The following CDYL variants were observed in gnomAD, a reference collection of about 807,000 sequenced individuals.
CDYL encodes chromodomain Y like, also known as chromodomain Y-like protein.
Under a neutral mutation model 47.3 loss-of-function variants are expected in CDYL, and 8 were observed. The observed-to-expected ratio is 0.17, with a 90% CI of 0.10 to 0.31. CDYL has a LOEUF of 0.31. CDYL is among the 10% of genes least tolerant of loss of function. The pLI, the probability that CDYL is intolerant of heterozygous loss-of-function variation, is 1.00. For missense variants in CDYL, 471 were observed against 701.4 expected (o/e 0.67, Z 3.71); for synonymous variants, 266 against 265.0 (o/e 1.00, Z -0.04).
At chr6:4,876,038 C>G (rs1357846042) in intron 1 of CDYL, among the ~76,000 whole-genome samples, 1 of 152,136 alleles carries the variant, frequency 6.6e-6, no homozygotes, top group East Asian at 1.9e-4. Flanking sequence ...ATGCATATAC[C>G]TGGGTAACCT....
intron 1 of CDYL, among the ~76,000 whole-genome samples, chr6:4,823,715 A>G (rs1321375898): frequency 6.6e-6 from 1 of 152,142 alleles, no homozygotes; most frequent in Non-Finnish European, 1.5e-5. Context: ...CCAAACAGAA[A>G]CTTTGTAACC....
intron 1 of CDYL, among the ~76,000 whole-genome samples, chr6:4,881,663 T>C (rs576526426): frequency 2.0e-5 from 3 of 152,364 alleles, no homozygotes; most frequent in African/African-American, 7.2e-5. Flanking sequence ...AATAGTGTTT[T>C]TGGGATTTTG....
At chr6:4,842,157 T>A (rs1476253925) in intron 1 of CDYL, among the ~76,000 whole-genome samples, 1 of 143,818 alleles carries the variant, frequency 7.0e-6, no homozygotes, top group Non-Finnish European at 1.5e-5. Context: ...TTATATATTA[T>A]AAATATATTA....
intron 2 of CDYL, among the ~76,000 whole-genome samples, chr6:4,915,105 C>G (rs35021955): frequency 9.8e-4 from 149 of 152,358 alleles, no homozygotes; most frequent in Non-Finnish European, 1.7e-3. Flanking sequence ...CCACAGTCTA[C>G]TTTAATGACA....
intron 2 of CDYL, among the ~76,000 whole-genome samples, chr6:4,916,998 A>G (rs545350515): frequency 3.3e-5 from 5 of 152,314 alleles, no homozygotes; most frequent in African/African-American, 1.2e-4. Context: ...GGTTCCAAGT[A>G]AGATTTTTCT....
chr6:4,945,703 CA>C lies in CDYL; in HGVS notation c.1332+1948del, dbSNP rs1271353480. 3.3e-5 allele frequency among the ~76,000 whole-genome samples: 5 copies of C among 152,368 alleles called. No individual in the cohort carries two copies. In the South Asian group the frequency reaches 6.2e-4, roughly 19 times the overall value. ...CTACAAATCAGAAAACGCTGCTGCC[CA>C]CCATCATGGAGCCACCTCCAAACTG... is the stretch of plus-strand genomic sequence containing the variant. On this transcript the variant is annotated intron_variant, in intron 5 of 6. Transcript: ENST00000397588.
At chr6:4,824,386 A>C (rs769408421) in intron 1 of CDYL, among the ~76,000 whole-genome samples, 13 of 151,946 alleles carry the variant, frequency 8.6e-5, no homozygotes, top group Non-Finnish European at 1.8e-4. Flanking sequence ...TCGGCTCGGC[A>C]GCACTTATTT....
chr6:4,718,839 A>G (rs1757318117), intron 2 of CDYL, among the ~76,000 whole-genome samples: 1 of 151,446 alleles, frequency 6.6e-6, no homozygotes, highest in Non-Finnish European at 1.5e-5. Context: ...ATCATTTTAG[A>G]TTCCTGCAGG....
At chr6:4,848,213 A>G (rs1336345007) in intron 1 of CDYL, among the ~76,000 whole-genome samples, 5 of 152,174 alleles carry the variant, frequency 3.3e-5, no homozygotes, top group South Asian at 2.1e-4. Flanking sequence ...TGTATAGGCA[A>G]GCTCTCGAAC....
At chr6:4,742,834 A>T (rs137859539) in intron 3 of CDYL, among the ~76,000 whole-genome samples, 85 of 152,348 alleles carry the variant, frequency 5.6e-4, no homozygotes, top group African/African-American at 1.2e-3. Flanking sequence ...AGATAGGATC[A>T]TCTTGAAGCT....
At chr6:4,780,857 A>G (rs779845208) in intron 1 of CDYL, among the ~76,000 whole-genome samples, 2 of 152,186 alleles carry the variant, frequency 1.3e-5, no homozygotes, top group Non-Finnish European at 2.9e-5. Flanking sequence ...GGTCAAGAGG[A>G]CCTTAATTTA....
chr6:4,849,994 G>T (rs553845025), intron 1 of CDYL, among the ~76,000 whole-genome samples: 4 of 152,284 alleles, frequency 2.6e-5, no homozygotes, highest in African/African-American at 7.2e-5. Context: ...GACTAGCTGG[G>T]TGACTTCATT....
At chr6:4,937,825 G>A in intron 4 of CDYL, 88 bp downstream of exon 4, 1 of 1,010,240 alleles carries the variant, frequency 9.9e-7, no homozygotes, top group Non-Finnish European at 1.5e-6. Context: ...ACCAAGCCTT[G>A]AGAATAAGAT....
intron 2 of CDYL, among the ~76,000 whole-genome samples, chr6:4,716,245 T>C (rs1757258493): frequency 8.1e-6 from 1 of 123,992 alleles, no homozygotes; most frequent in Admixed American, 8.4e-5. Context: ...AGACTCCATC[T>C]CAAAAAAAAA....
intron 2 of CDYL, among the ~76,000 whole-genome samples, chr6:4,914,669 T>G (rs962005710): frequency 6.6e-5 from 10 of 152,216 alleles, no homozygotes; most frequent in Non-Finnish European, 1.3e-4. Context: ...TATTCTTCAT[T>G]CTGAGCTATT....
At chr6:4,754,142 A>G (rs948736073) in intron 3 of CDYL, among the ~76,000 whole-genome samples, 2 of 151,750 alleles carry the variant, frequency 1.3e-5, no homozygotes, top group African/African-American at 4.8e-5. Flanking sequence ...GTCTCTTAAG[A>G]AAAAAAAATC....
intron 1 of CDYL, among the ~76,000 whole-genome samples, chr6:4,822,329 A>C (rs1430755519): frequency 6.6e-6 from 1 of 152,034 alleles, no homozygotes; most frequent in African/African-American, 2.4e-5. Context: ...TTTTCTTTTA[A>C]ACGTAAATAT....
intron 4 of CDYL, among the ~76,000 whole-genome samples, chr6:4,938,148 G>A (rs574077123): frequency 2.0e-5 from 3 of 152,160 alleles, no homozygotes; most frequent in Admixed American, 1.3e-4. Context: ...CCATTTGCTC[G>A]ACTCTGAAGT....
rs146495225 is a variant in CDYL at position 4,815,175 on chromosome 6, C to T, written c.24+38368C>T. 4.1e-3 allele frequency among the ~76,000 whole-genome samples: 619 copies of T among 152,298 alleles called. 1 individual carries two copies. Among genetic ancestry groups the T allele is most frequent in the African/African-American group, 0.014 (578 of 41,562 alleles). On this transcript the variant is annotated intron_variant, in intron 1 of 6. Coordinates refer to ENST00000397588, the MANE Select transcript of CDYL (RefSeq NM_004824.4). ...TAGGATATGTCTGTGTTCTCACCCT[C>T]CCTCAACCCTAACCTTCCAGAATAT...
Sources: allele counts gnomAD v4.1 joint callset (sites outside exome capture counted in the v4.1 genomes callset), GRCh38; gene constraint gnomAD v4.1.1; transcripts MANE v1.5; gene names NCBI Gene and HGNC (gene_info 2026-07-23, HGNC 2026-07-21).